The following ANKAR variants were observed in gnomAD, a reference collection of about 807,000 sequenced individuals.
ANKAR encodes ankyrin and armadillo repeat containing.
ANKAR carries 136 observed loss-of-function variants against 146.2 expected under a neutral mutation model. That is an observed-to-expected ratio of 0.93 (90% CI 0.81 to 1.07). ANKAR has a LOEUF of 1.07. Among genes scored for constraint, ANKAR ranks in the 50% least tolerant of loss-of-function variants. ANKAR has a pLI of 0.00. For synonymous variants in ANKAR, 500 were observed against 575.8 expected (o/e 0.87, Z 1.88); for missense variants, 1,567 against 1,679.9 (o/e 0.93, Z 1.18).
chr2:189,679,284 A>G (rs1291676142), intron 2 of ANKAR, among the ~76,000 whole-genome samples: 1 of 152,158 alleles, frequency 6.6e-6, no homozygotes, highest in Non-Finnish European at 1.5e-5. Context: ...GGTGTATAGC[A>G]GTGCTACTGA....
At position 189,707,009 on chromosome 2, in the gene ANKAR, T is replaced by A. The variant is rs567261843; in HGVS notation, c.1982T>A (p.Ile661Asn). Residue 661 changes from isoleucine to asparagine, a missense_variant, in exon 9 of 23, where the codon ATC (isoleucine) becomes AAC (asparagine). By Grantham distance (149) the Ile-to-Asn change is moderately radical (BLOSUM62 -3). Coordinates refer to ENST00000684021, the MANE Select transcript of ANKAR (RefSeq NM_001378068.1). ...GACACTATTCAATACCTGTTTTCTA[T>A]CGGTGCTAACTGGAGAAAAACAGAT... ...ALDTIQYLFSIGANWRKTDIK... is the reference protein window; with the variant it reads ...ALDTIQYLFSNGANWRKTDIK... The A allele has an allele frequency of 4.3e-6, 7 of 1,613,832 alleles. No homozygotes were observed. The African/African-American group carries it at 6.7e-5, about 15-fold the overall frequency.
At chr2:189,757,183 C>T (rs528282238) in intron 18 of ANKAR, among the ~76,000 whole-genome samples, 1 of 152,202 alleles carries the variant, frequency 6.6e-6, no homozygotes, top group Non-Finnish European at 1.5e-5. Flanking sequence ...AGAGTCTGTG[C>T]AAAAGACAAT....
rs1453764716 is a variant in ANKAR, at chr2:189,676,822, T to G, written c.332T>G (p.Ile111Ser). The change falls in exon 2 of 23, where the codon ATT becomes AGT. Residue 111 changes from isoleucine to serine, a missense_variant. Transcript: ENST00000684021. ...HQMIRELAIG[I>S]YCLNQIPSIS... is the part of the protein sequence containing the mutation. The stretch of plus-strand genomic sequence containing the variant: ...ATGATAAGAGAGTTGGCTATTGGAA[T>G]TTATTGCCTAAATCAAATCCCTTCC... 6.2e-7 allele frequency: 1 copy of G among 1,614,198 alleles called. No individual in the cohort carries two copies. Among genetic ancestry groups the G allele is most frequent in the Non-Finnish European group, 8.5e-7 (1 of 1,180,020 alleles).
At chr2:189,762,570 A>C (rs1004555617), downstream of ANKAR, 6 of 984,430 alleles carry the variant, frequency 6.1e-6, no homozygotes, top group Non-Finnish European at 7.2e-6. Context: ...AACCCACGTG[A>C]CTTGGGTAGC....
chr2:189,675,622 A>T (rs1360509492), intron 1 of ANKAR, among the ~76,000 whole-genome samples: 1 of 152,196 alleles, frequency 6.6e-6, no homozygotes, highest in African/African-American at 2.4e-5. Flanking sequence ...TGCTGGGATT[A>T]CACGCATGAG....
chr2:189,719,042 C>G (rs1317415509), intron 10 of ANKAR, among the ~76,000 whole-genome samples: 1 of 152,216 alleles, frequency 6.6e-6, no homozygotes, highest in African/African-American at 2.4e-5. Flanking sequence ...AGCCACCGCG[C>G]CCGGCCTATT....
intron 20 of ANKAR, among the ~76,000 whole-genome samples, chr2:189,742,543 G>GT (rs2043435440): frequency 6.7e-6 from 1 of 149,034 alleles, no homozygotes; most frequent in Admixed American, 6.8e-5. Context: ...ACGTCTGAAT[G>GT]TTAAAAAAAA....
chr2:189,705,131 C>T lies in ANKAR; in HGVS notation c.1817C>T (p.Pro606Leu), dbSNP rs1336486001. Residue 606 changes from proline (P) to leucine (L), a missense_variant, in exon 8 of 23, where the codon CCG becomes CTG. Coordinates refer to ENST00000684021, the MANE Select transcript of ANKAR (RefSeq NM_001378068.1). ...CTTTCTGAAAAAAGAGGCTGGATGC[C>T]GATTCACTTTGCCGCTTTCTATGAC... ...YTLSEKRGWM[P>L]IHFAAFYDNV... 8 of 1,614,042 alleles carry T rather than the reference C, an allele frequency of 5.0e-6. No individual in the cohort carries two copies. The Admixed American group carries it at 6.7e-5, about 13-fold the overall frequency.
chr2:189,729,695 C>CGTGT (rs139823318), intron 15 of ANKAR, among the ~76,000 whole-genome samples: 60 of 94,254 alleles, frequency 6.4e-4, no homozygotes, highest in African/African-American at 1.7e-3. Flanking sequence ...ATCAGCTGTG[C>CGTGT]GTGTGTGTGT....
intron 7 of ANKAR, among the ~76,000 whole-genome samples, chr2:189,701,965 A>G (rs1000234123): frequency 1.3e-5 from 2 of 152,192 alleles, no homozygotes; most frequent in African/African-American, 2.4e-5. Flanking sequence ...GAAGCATTCT[A>G]TCATCCTATG....
chr2:189,711,380 G>A (rs564663162), intron 10 of ANKAR, among the ~76,000 whole-genome samples: 28 of 152,124 alleles, frequency 1.8e-4, no homozygotes, highest in Middle Eastern at 3.4e-3. Flanking sequence ...CTAAAAGCTC[G>A]AAAAATTAAA....
intron 9 of ANKAR, 120 bp from the exon 10 acceptor site, chr2:189,710,929 G>T: frequency 1.4e-6 from 1 of 721,668 alleles, no homozygotes; most frequent in Non-Finnish European, 2.4e-6. Flanking sequence ...GCATGCAGTT[G>T]GTGGTAATAG....
chr2:189,704,585 ATATATATATAT>A (rs1559088941), intron 7 of ANKAR, among the ~76,000 whole-genome samples: 1 of 114,422 alleles, frequency 8.7e-6, no homozygotes, highest in Non-Finnish European at 1.8e-5. Context: ...ATATATATAT[ATATATATATAT>A]AATTTTAATT....
chr2:189,736,499 G>GTTTGTT lies in ANKAR; in HGVS notation c.3424-1181_3424-1180insGTTTTT, dbSNP rs2042848260. ...TCTTTTTGCCTATTTAGGTGACTGG[G>GTTTGTT]TTTTGTGTGTGTGTGTGTGTGTGTG... On this transcript the variant is annotated intron_variant, in intron 17 of 22. Coordinates refer to ENST00000684021, the MANE Select transcript of ANKAR (RefSeq NM_001378068.1). Among the ~76,000 whole-genome samples the GTTTGTT allele has an allele frequency of 1.8e-5, 2 of 113,708 alleles. 1 individual carries two copies. The highest frequency in any genetic ancestry group is 3.6e-5 in the Non-Finnish European group (2 of 55,296). The allele number at this position is 113,708 out of a possible 152,430, so 74.6% of individuals were successfully genotyped here.
chr2:189,705,156 C>T lies in ANKAR; in HGVS notation c.1842C>T (p.Asp614=). The T allele has an allele frequency of 6.2e-7, 1 of 1,614,078 alleles. No individual in the cohort carries two copies. The highest frequency in any genetic ancestry group is 8.5e-7 in the Non-Finnish European group (1 of 1,180,002). The change falls in exon 8 of 23, where the codon GAC becomes GAT. Residue 614 remains aspartate, a synonymous_variant. Coordinates refer to ENST00000684021, the MANE Select transcript of ANKAR (RefSeq NM_001378068.1). ...WMPIHFAAFY[D]NVCIIIALCR... Reference sequence around the variant, plus strand: ...CGATTCACTTTGCCGCTTTCTATGACAACGTTTGCATCATTATTGCTCTCT... The same window carrying T: ...CGATTCACTTTGCCGCTTTCTATGATAACGTTTGCATCATTATTGCTCTCT...
chr2:189,762,853 T>C (rs1215419502), downstream of ANKAR: 2 of 985,366 alleles, frequency 2.0e-6, no homozygotes, highest in African/African-American at 3.5e-5. Flanking sequence ...GCGAGCGGCA[T>C]GCTTAGTGAA....
chr2:189,707,077 C>T lies in ANKAR; in HGVS notation c.2050C>T (p.His684Tyr), dbSNP rs1324710513. The T allele has an allele frequency of 6.2e-7, 1 of 1,605,620 alleles. No homozygotes were observed. Among genetic ancestry groups the T allele is most frequent in the Admixed American group, 1.7e-5 (1 of 59,274 alleles). The change falls in exon 9 of 23, where the codon CAT becomes TAT. Residue 684 changes from histidine to tyrosine, a missense_variant. Coordinates refer to ENST00000684021, the MANE Select transcript of ANKAR (RefSeq NM_001378068.1). ...NIIHLSVLTFHTEVLKYIIKL... is the reference protein window; with the variant it reads ...NIIHLSVLTFYTEVLKYIIKL... ...AATCCATTTATCAGTGTTAACCTTT[C>T]ATACAGAGGTTCTCAAATATATAAT...
downstream of ANKAR, chr2:189,761,446 T>C (rs768770869): frequency 1.2e-6 from 2 of 1,608,986 alleles, no homozygotes; most frequent in Admixed American, 3.4e-5. Context: ...TTTGGGAATG[T>C]ATTGCTTCTC....
rs1453670658 is a variant in ANKAR at position 189,696,306 on chromosome 2, A to G, written c.1645A>G (p.Ile549Val). The G allele has an allele frequency of 2.5e-6, 4 of 1,613,986 alleles. No individual in the cohort carries two copies. The highest frequency in any genetic ancestry group is 1.3e-5 in the African/African-American group (1 of 74,914). The change falls in exon 7 of 23, where the codon ATA becomes GTA. Residue 549 changes from isoleucine (I) to valine (V), a missense_variant. Ile to Val is a conservative substitution (Grantham distance 29, BLOSUM62 3). Coordinates refer to ENST00000684021, the MANE Select transcript of ANKAR (RefSeq NM_001378068.1). ...TGCCCTGCACAACAGAGTTTCTATT[A>G]TATGTCAACTGTGCAATGCTAACTT... Reference protein sequence around the residue: ...HAALHNRVSIICQLCNANFKV... With the variant: ...HAALHNRVSIVCQLCNANFKV...
Sources: allele counts gnomAD v4.1 joint callset (sites outside exome capture counted in the v4.1 genomes callset), GRCh38; gene constraint gnomAD v4.1.1; transcripts MANE v1.5; gene names NCBI Gene and HGNC (gene_info 2026-07-23, HGNC 2026-07-21).